OSBPL8: variants seen among roughly 807,000 people sequenced by gnomAD.
OSBPL8 encodes oxysterol-binding protein-related protein 8.
A neutral mutation model predicts 125.5 loss-of-function variants in OSBPL8; 59 were observed. The ratio of observed to expected loss-of-function variants is 0.47; its 90% confidence interval spans 0.38 to 0.58. The LOEUF is 0.58. OSBPL8 is among the 20% of genes least tolerant of loss of function. The probability of loss-of-function intolerance (pLI) is 0.00; values close to 1 mark genes in which losing one functional copy is unlikely to be tolerated. For synonymous variants in OSBPL8, 330 were observed against 338.9 expected (o/e 0.97, Z 0.29); for missense variants, 758 against 1,047.8 (o/e 0.72, Z 3.82).
At chr12:76,455,189 G>T (rs1046788844) in intron 3 of OSBPL8, among the ~76,000 whole-genome samples, 2 of 151,858 alleles carry the variant, frequency 1.3e-5, no homozygotes, top group Admixed American at 6.6e-5. Context: ...CTTGCAGTGA[G>T]CCGAGATTGC....
chr12:76,502,558 CTATTTCAGATACGATGGGA>C (rs1441245205), intron 1 of OSBPL8, among the ~76,000 whole-genome samples: 2 of 152,156 alleles, frequency 1.3e-5, no homozygotes, highest in African/African-American at 2.4e-5. Context: ...AATACAGGAG[CTATTTCAGATACGATGGGA>C]TATTTCAGAT....
intron 1 of OSBPL8, among the ~76,000 whole-genome samples, chr12:76,498,037 T>G (rs1879461085): frequency 6.6e-6 from 1 of 152,212 alleles, no homozygotes; most frequent in South Asian, 2.1e-4. Context: ...GACTAGCATG[T>G]GATAAATGCC....
rs1237268575 is a variant in OSBPL8 at position 76,551,826 on chromosome 12, T to C, written c.-68+7571A>G. Among the ~76,000 whole-genome samples the C allele has an allele frequency of 2.0e-5, 3 of 152,340 alleles. No homozygotes were observed. In the East Asian group the frequency reaches 5.8e-4, roughly 29 times the overall value. On this transcript the variant is annotated intron_variant, in intron 1 of 23. Coordinates refer to ENST00000261183, the MANE Select transcript of OSBPL8 (RefSeq NM_020841.5). ...CCTCGTCTATCCAGTCCCTGGCTTA[T>C]ACTTAAGGCAACACTAGCTGCTTAA...
intron 18 of OSBPL8, 127 bp from the exon 19 acceptor site, chr12:76,371,711 T>C: frequency 1.2e-6 from 1 of 866,054 alleles, no homozygotes; most frequent in East Asian, 3.2e-5. Flanking sequence ...TTAAAACAAA[T>C]ATAACTAGCA....
intron 21 of OSBPL8, among the ~76,000 whole-genome samples, chr12:76,362,116 G>A (rs1180967428): frequency 1.3e-5 from 2 of 152,134 alleles, no homozygotes; most frequent in Admixed American, 6.5e-5. Context: ...TCAAATGCTG[G>A]AGGCTTAAAA....
intron 4 of OSBPL8, among the ~76,000 whole-genome samples, chr12:76,442,919 T>C (rs1872355256): frequency 6.6e-6 from 1 of 152,204 alleles, no homozygotes; most frequent in African/African-American, 2.4e-5. Context: ...GTAAATTGTA[T>C]GAAAGAAAAT....
chr12:76,440,152 T>A (rs780350356), intron 4 of OSBPL8, among the ~76,000 whole-genome samples: 1 of 152,146 alleles, frequency 6.6e-6, no homozygotes, highest in Non-Finnish European at 1.5e-5. Flanking sequence ...TTCTGAAAGA[T>A]CCTCAGCTTT....
At chr12:76,388,257 A>T (rs1953403439) in intron 12 of OSBPL8, among the ~76,000 whole-genome samples, 1 of 152,214 alleles carries the variant, frequency 6.6e-6, no homozygotes, top group African/African-American at 2.4e-5. Flanking sequence ...TTATATCTGT[A>T]GGAGTTATTC....
chr12:76,540,758 A>G (rs1436627131), intron 1 of OSBPL8, among the ~76,000 whole-genome samples: 1 of 151,412 alleles, frequency 6.6e-6, no homozygotes, highest in Non-Finnish European at 1.5e-5. Context: ...AGTCTCTCTC[A>G]CACACACATA....
chr12:76,497,365 G>A (rs1879388028), intron 1 of OSBPL8, among the ~76,000 whole-genome samples: 1 of 152,160 alleles, frequency 6.6e-6, no homozygotes, highest in Admixed American at 6.5e-5. Context: ...AAAAATAGGA[G>A]TAGAGCATAC....
rs567191185 is a variant in OSBPL8 at position 76,479,196 on chromosome 12, A to G, written c.42+8314T>C. ...TGTAGATTGGATTGTACATTTTAAA[A>G]TAACTAAATGAGTATAATTGGATTG... On this transcript the variant is annotated intron_variant, in intron 2 of 23. Coordinates refer to ENST00000261183, the MANE Select transcript of OSBPL8 (RefSeq NM_020841.5). Among the ~76,000 whole-genome samples the G allele has an allele frequency of 7.9e-5, 12 of 152,252 alleles. No homozygotes were observed. In the East Asian group the frequency reaches 2.3e-3, roughly 29 times the overall value.
intron 18 of OSBPL8, 34 bp downstream of exon 18, chr12:76,373,310 T>C (rs1298644958): frequency 8.2e-6 from 11 of 1,335,146 alleles, no homozygotes; most frequent in Non-Finnish European, 1.1e-5. Context: ...CAGAATAAAA[T>C]TCTTTTTGTA....
At chr12:76,401,217 G>A (rs1954040027) in intron 6 of OSBPL8, among the ~76,000 whole-genome samples, 1 of 152,048 alleles carries the variant, frequency 6.6e-6, no homozygotes, top group Non-Finnish European at 1.5e-5. Context: ...TTAACCTTCT[G>A]GAAAACACTG....
intron 4 of OSBPL8, among the ~76,000 whole-genome samples, chr12:76,434,162 G>A (rs1184330403): frequency 3.9e-5 from 6 of 152,000 alleles, no homozygotes; most frequent in South Asian, 4.2e-4. Flanking sequence ...CAGACATATC[G>A]ACCAATGGAA....
intron 11 of OSBPL8, 151 bp from the exon 12 acceptor site, chr12:76,389,980 G>T: frequency 1.8e-6 from 1 of 562,732 alleles, no homozygotes; most frequent in Non-Finnish European, 2.7e-6. Flanking sequence ...AAAATCTATA[G>T]CTATAAAACT....
intron 2 of OSBPL8, among the ~76,000 whole-genome samples, chr12:76,460,364 CAA>C (rs977994216): frequency 3.6e-4 from 54 of 152,074 alleles, no homozygotes; most frequent in Middle Eastern, 3.4e-3. Flanking sequence ...CGTAACACTA[CAA>C]AGAGATTTAG....
intron 2 of OSBPL8, among the ~76,000 whole-genome samples, chr12:76,483,377 C>T (rs1464100035): frequency 6.6e-6 from 1 of 151,552 alleles, no homozygotes; most frequent in African/African-American, 2.4e-5. Context: ...ATCTGGCCAA[C>T]ATGGTGAAAC....
intron 4 of OSBPL8, among the ~76,000 whole-genome samples, chr12:76,450,465 G>T (rs891729641): frequency 6.6e-6 from 1 of 151,872 alleles, no homozygotes; most frequent in Non-Finnish European, 1.5e-5. Context: ...TACTTTAAAT[G>T]AATTAAATTT....
At chr12:76,371,231 GAAA>G (rs1178988140) in intron 19 of OSBPL8, 1 of 402,628 alleles carries the variant, frequency 2.5e-6, no homozygotes, top group Admixed American at 4.4e-5. Flanking sequence ...AATTGAGAAA[GAAA>G]AAAATGAGTA....
Sources: gnomAD v4.1 joint callset for allele counts (sites outside exome capture counted in the v4.1 genomes callset) on GRCh38, gnomAD v4.1.1 for gene constraint, MANE v1.5 for transcripts, NCBI Gene and HGNC (gene_info 2026-07-23, HGNC 2026-07-21) for gene names.